Variants in VPS13B observed in about 807,000 individuals in gnomAD.
The protein encoded by VPS13B is intermembrane lipid transfer protein VPS13B.
Under a neutral mutation model 426.4 loss-of-function variants are expected in VPS13B, and 285 were observed. The observed-to-expected ratio is 0.67, with a 90% CI of 0.61 to 0.74. The LOEUF (loss-of-function observed/expected upper bound fraction) is 0.74. Among genes scored for constraint, VPS13B ranks in the 30% least tolerant of loss-of-function variants. VPS13B has a pLI of 0.00. For missense variants in VPS13B, 4,537 were observed against 4,782.6 expected (o/e 0.95, Z 1.51); for synonymous variants, 1,676 against 1,676.4 (o/e 1.00, Z 0.01).
intron 30 of VPS13B, among the ~76,000 whole-genome samples, chr8:99,544,892 C>T (rs1008501125): frequency 2.6e-5 from 4 of 152,114 alleles, no homozygotes. Flanking sequence ...TTAGATTTCA[C>T]CAAATCCTTA....
chr8:99,447,078 A>G (rs1288257459), intron 23 of VPS13B, among the ~76,000 whole-genome samples: 2 of 152,100 alleles, frequency 1.3e-5, no homozygotes. Context: ...CTTGCCTACT[A>G]TACCTAATAT....
chr8:99,847,523 G>T (rs1293366378), intron 54 of VPS13B, among the ~76,000 whole-genome samples: 6 of 152,100 alleles, frequency 3.9e-5, no homozygotes, highest in Non-Finnish European at 7.4e-5. Flanking sequence ...TATATTCTAG[G>T]CGTGGTGAGT....
chr8:99,156,726 G>A lies in VPS13B; in HGVS notation c.2191G>A (p.Val731Ile), dbSNP rs1811383573. 1.2e-6 allele frequency: 2 copies of A among 1,613,832 alleles called. No homozygotes were observed. Among genetic ancestry groups the A allele is most frequent in the South Asian group, 2.2e-5 (2 of 91,076 alleles). ...PSDNLLHYCYVHCYLKIFGFQ... is the reference protein window; with the variant it reads ...PSDNLLHYCYIHCYLKIFGFQ... ...TGATAACCTGCTTCATTATTGTTAT[G>A]TACACTGCTATCTTAAGGTATGAAA... Residue 731 changes from valine (V) to isoleucine (I), a missense_variant, in exon 15 of 62, where the codon GTA becomes ATA. Around this residue, in one of 2 missense-constraint regions of VPS13B, gnomAD observed 4,311 missense variants for 4,474.3 expected, o/e 0.96. Coordinates refer to ENST00000357162, the MANE Select transcript of VPS13B (RefSeq NM_152564.5).
intron 29 of VPS13B, among the ~76,000 whole-genome samples, chr8:99,519,954 A>G (rs1228845827): frequency 6.6e-6 from 1 of 152,182 alleles, no homozygotes; most frequent in Non-Finnish European, 1.5e-5. Context: ...GTATAATAAA[A>G]AAATGTAAAT....
intron 3 of VPS13B, among the ~76,000 whole-genome samples, chr8:99,058,899 G>A (rs1201945658): frequency 6.6e-6 from 1 of 152,138 alleles, no homozygotes; most frequent in African/African-American, 2.4e-5. Flanking sequence ...TGTCTGTCTA[G>A]CTCATCATAT....
intron 17 of VPS13B, among the ~76,000 whole-genome samples, chr8:99,220,572 A>T (rs1815652193): frequency 6.6e-6 from 1 of 152,134 alleles, no homozygotes; most frequent in African/African-American, 2.4e-5. Flanking sequence ...TATACTTTGG[A>T]TTAAAGGTAA....
chr8:99,386,927 C>T (rs371599178), intron 20 of VPS13B, among the ~76,000 whole-genome samples: 1 of 152,076 alleles, frequency 6.6e-6, no homozygotes, highest in Admixed American at 6.6e-5. Context: ...AATGATCACA[C>T]CACTGTACTC....
intron 42 of VPS13B, among the ~76,000 whole-genome samples, chr8:99,780,472 A>C (rs535538136): frequency 6.6e-6 from 1 of 152,200 alleles, no homozygotes. Flanking sequence ...AATATGGTGC[A>C]TAAATATTTA....
At chr8:99,802,175 T>C (rs770099440) in intron 43 of VPS13B, among the ~76,000 whole-genome samples, 10 of 149,934 alleles carry the variant, frequency 6.7e-5, no homozygotes, top group Middle Eastern at 3.5e-3. Context: ...AAACAAGCTG[T>C]GGCCCTAGGG....
At chr8:99,649,848 C>T (rs971736446) in intron 34 of VPS13B, among the ~76,000 whole-genome samples, 4 of 152,144 alleles carry the variant, frequency 2.6e-5, no homozygotes, top group African/African-American at 9.7e-5. Flanking sequence ...GGCTCACTCT[C>T]GAGTTAAACT....
intron 59 of VPS13B, among the ~76,000 whole-genome samples, chr8:99,870,008 C>G (rs1563519079): frequency 6.6e-6 from 1 of 152,210 alleles, no homozygotes; most frequent in Non-Finnish European, 1.5e-5. Flanking sequence ...CCCAAGCGTG[C>G]TCATAAATGT....
At position 99,823,888 on chromosome 8, in the gene VPS13B, T is replaced by G; in HGVS notation, c.9240T>G (p.Ile3080Met). 6.2e-7 allele frequency: 1 copy of G among 1,613,678 alleles called. No individual in the cohort carries two copies. Among genetic ancestry groups the G allele is most frequent in the Non-Finnish European group, 8.5e-7 (1 of 1,179,832 alleles). ...AGCAAGGTATACAAATTATTCAGAT[T>G]GAAGACAAGACTACAATAATCAATA... is the stretch of plus-strand genomic sequence containing the variant. Reference protein sequence around the residue: ...MVQQGIQIIQIEDKTTIINNT... With the variant: ...MVQQGIQIIQMEDKTTIINNT... Residue 3080 changes from isoleucine (I) to methionine (M), a missense_variant, in exon 51 of 62, where the codon ATT (isoleucine) becomes ATG (methionine). By Grantham distance (10) the Ile-to-Met change is conservative. This residue lies in a region of VPS13B where 4,311 missense variants were observed against 4,474.3 expected (regional missense o/e 0.96). Coordinates refer to ENST00000357162, the MANE Select transcript of VPS13B (RefSeq NM_152564.5).
chr8:99,859,416 C>T lies in VPS13B; in HGVS notation c.10980C>T (p.Gly3660=), dbSNP rs142939294. The change falls in exon 57 of 62, where the codon GGC becomes GGT. Residue 3660 remains glycine, a synonymous_variant. Coordinates refer to ENST00000357162, the MANE Select transcript of VPS13B (RefSeq NM_152564.5). ...FRLPYEGLTR[G]PGAFVSGVSR... is the part of the protein sequence containing the mutation. ...TTCCGTATGAGGGGCTGACCCGGGGCCCTGGAGCCTTCGTGAGTGGCGTCT... is the reference window on the plus strand; with the variant it reads ...TTCCGTATGAGGGGCTGACCCGGGGTCCTGGAGCCTTCGTGAGTGGCGTCT... The T allele has an allele frequency of 2.5e-5, 41 of 1,613,990 alleles. No homozygotes were observed. The highest frequency in any genetic ancestry group is 2.4e-4 in the African/African-American group (18 of 74,888).
chr8:99,787,417 AG>A (rs1812324063), intron 43 of VPS13B, among the ~76,000 whole-genome samples: 1 of 152,198 alleles, frequency 6.6e-6, no homozygotes, highest in Admixed American at 6.6e-5. Context: ...ATCTCACAAC[AG>A]TTTCTTGCCT....
chr8:99,140,733 C>A (rs1411496519), intron 12 of VPS13B, among the ~76,000 whole-genome samples: 1 of 146,022 alleles, frequency 6.8e-6, no homozygotes, highest in Non-Finnish European at 1.5e-5. Context: ...ATACTTTAGT[C>A]ATTTTTGTTT....
At chr8:99,342,182 T>C (rs771710043) in intron 19 of VPS13B, among the ~76,000 whole-genome samples, 4 of 152,252 alleles carry the variant, frequency 2.6e-5, no homozygotes, top group African/African-American at 4.8e-5. Context: ...TTGTATACAA[T>C]GTGGCATGAT....
intron 17 of VPS13B, chr8:99,209,456 A>G (rs934792231): frequency 6.5e-6 from 1 of 153,310 alleles, no homozygotes; most frequent in Non-Finnish European, 1.5e-5. Flanking sequence ...TATAGGTAAG[A>G]CCAAGATCTG....
At chr8:99,125,225 G>A (rs546811996) in intron 8 of VPS13B, among the ~76,000 whole-genome samples, 1 of 152,310 alleles carries the variant, frequency 6.6e-6, no homozygotes, top group Admixed American at 6.5e-5. Flanking sequence ...AAAGGCCTGA[G>A]AGCCCCTGGC....
intron 39 of VPS13B, among the ~76,000 whole-genome samples, chr8:99,763,163 A>AAAAAAAAAG (rs1563905521): frequency 3.4e-5 from 5 of 146,876 alleles, no homozygotes; most frequent in African/African-American, 1.3e-4. Context: ...AAAAAAAAAA[A>AAAAAAAAAG]AAGAAGAGAA....
Sources: gnomAD v4.1 joint callset for allele counts (sites outside exome capture counted in the v4.1 genomes callset) on GRCh38, gnomAD v4.1.1 for gene constraint, gnomAD v4.1.1 regional missense constraint, MANE v1.5 for transcripts, NCBI Gene and HGNC (gene_info 2026-07-23, HGNC 2026-07-21) for gene names.